Variants in ZNF527 observed in about 807,000 individuals in gnomAD.
The protein encoded by ZNF527 is zinc finger protein 527.
Under a neutral mutation model 13.5 loss-of-function variants are expected in ZNF527, and 5 were observed. The observed-to-expected ratio is 0.37, with a 90% CI of 0.19 to 0.78. The LOEUF is 0.78. ZNF527 is among the 30% of genes least tolerant of loss of function. The probability of loss-of-function intolerance (pLI) is 0.48; values close to 1 mark genes in which losing one functional copy is unlikely to be tolerated. For synonymous variants in ZNF527, 209 were observed against 243.1 expected, an observed-to-expected ratio of 0.86 and a Z score of 1.30; for missense variants, 628 against 726.4, an observed-to-expected ratio of 0.86 and a Z score of 1.56.
chr19:37,374,376 A>T, intron 2 of ZNF527, 145 bp downstream of exon 2: 1 of 735,412 alleles, frequency 1.4e-6, no homozygotes, highest in African/African-American at 1.8e-5. Flanking sequence ...TCTACAAAAC[A>T]TTTAATATCT....
chr19:37,378,053 G>A (rs1210527555), intron 2 of ZNF527, among the ~76,000 whole-genome samples: 3 of 147,076 alleles, frequency 2.0e-5, no homozygotes, highest in Admixed American at 6.8e-5. Flanking sequence ...TTTTTGAGAC[G>A]GAGTCTTGCT....
intron 4 of ZNF527, chr19:37,384,788 C>T (rs1177215322): frequency 7.4e-6 from 4 of 543,432 alleles, no homozygotes; most frequent in Admixed American, 3.0e-5. Context: ...AGCATCTTTC[C>T]AGGAATGCAT....
At position 37,380,381 on chromosome 19, in the gene ZNF527, C is replaced by T. The variant is rs1209719910; in HGVS notation, c.256+9C>T. On this transcript the variant is annotated intron_variant, in intron 4 of 4. Transcript: ENST00000436120. ...ACAGGGTCACTGTGCAGGTGAGTGA[C>T]AGATCACCAGGCAGGGAGGACTATT... 2 of 1,607,702 alleles carry T rather than the reference C, an allele frequency of 1.2e-6. No homozygotes were observed. The highest frequency in any genetic ancestry group is 4.5e-5 in the East Asian group (2 of 44,834).
intron 4 of ZNF527, chr19:37,384,784 T>C (rs549725074): frequency 2.6e-4 from 141 of 540,746 alleles, no homozygotes; most frequent in Non-Finnish European, 2.8e-4. Context: ...ATTGAGCATC[T>C]TTCCAGGAAT....
At chr19:37,375,698 T>C (rs967054257) in intron 2 of ZNF527, among the ~76,000 whole-genome samples, 2 of 152,038 alleles carry the variant, frequency 1.3e-5, no homozygotes, top group Non-Finnish European at 1.5e-5. Flanking sequence ...GATGAGATTA[T>C]CTTGAGGGCA....
chr19:37,381,788 T>A (rs2040655894), intron 4 of ZNF527, among the ~76,000 whole-genome samples: 1 of 152,200 alleles, frequency 6.6e-6, no homozygotes, highest in South Asian at 2.1e-4. Flanking sequence ...CTTTTCTTTG[T>A]GTATATTAAT....
intron 4 of ZNF527, among the ~76,000 whole-genome samples, chr19:37,382,024 A>G (rs1169183742): frequency 6.6e-6 from 1 of 152,152 alleles, no homozygotes; most frequent in Non-Finnish European, 1.5e-5. Flanking sequence ...TGAATGTTGG[A>G]ATCTCCTTCA....
rs1050591285 is a variant in ZNF527 at position 37,371,565 on chromosome 19, T to C, written c.-42+339T>C. Among the ~76,000 whole-genome samples the C allele has an allele frequency of 3.9e-5, 6 of 152,158 alleles. 1 individual carries two copies. The highest frequency in any genetic ancestry group is 8.8e-5 in the Non-Finnish European group (6 of 68,030). ...GTGTGACATTGTGTGTTTGTGTAAATGCATGTGTGTGGTTATGTGACCACC... is the reference window on the plus strand; with the variant it reads ...GTGTGACATTGTGTGTTTGTGTAAACGCATGTGTGTGGTTATGTGACCACC... On this transcript the variant is annotated intron_variant, in intron 1 of 4. Transcript: ENST00000436120.
At chr19:37,381,809 C>T (rs2040656030) in intron 4 of ZNF527, among the ~76,000 whole-genome samples, 1 of 151,998 alleles carries the variant, frequency 6.6e-6, no homozygotes, top group Non-Finnish European at 1.5e-5. Flanking sequence ...TGGGATTGTT[C>T]TGAAGGAAGA....
Position 37,389,516 on chromosome 19 carries a change from T to A in ZNF527, c.1467T>A (p.His489Gln). 6.2e-7 allele frequency: 1 copy of A among 1,613,502 alleles called. No individual in the cohort carries two copies. Among genetic ancestry groups the A allele is most frequent in the Non-Finnish European group, 8.5e-7 (1 of 1,179,894 alleles). Residue 489 changes from histidine to glutamine, a missense_variant, in exon 5 of 5, where the codon CAT becomes CAA. Transcript: ENST00000436120. ...FRTDSQLNRH[H>Q]RIHTGERPFE... Reference sequence around the variant, plus strand: ...CTGACTCACAACTTAATCGACATCATAGAATTCACACTGGAGAGAGACCAT... The same window carrying A: ...CTGACTCACAACTTAATCGACATCAAAGAATTCACACTGGAGAGAGACCAT...
At chr19:37,372,241 C>T (rs919430730) in intron 1 of ZNF527, among the ~76,000 whole-genome samples, 13 of 151,806 alleles carry the variant, frequency 8.6e-5, no homozygotes, top group Admixed American at 2.0e-4. Context: ...CCTCATGATC[C>T]GCCCACCAGA....
intron 4 of ZNF527, among the ~76,000 whole-genome samples, chr19:37,383,539 A>ATT (rs750041418): frequency 0.013 from 1,559 of 121,234 alleles, 19 homozygotes; most frequent in African/African-American, 0.037. Context: ...CACCCAGCTG[A>ATT]TTTTTTTTTT....
At chr19:37,387,934 T>C (rs894735091) in intron 4 of ZNF527, among the ~76,000 whole-genome samples, 1 of 152,170 alleles carries the variant, frequency 6.6e-6, no homozygotes, top group Non-Finnish European at 1.5e-5. Context: ...GTCTTATGAA[T>C]ACCAGTGCAG....
chr19:37,384,841 A>AT (rs1568696014), intron 4 of ZNF527: 6 of 663,852 alleles, frequency 9.0e-6, no homozygotes, highest in African/African-American at 3.6e-5. Context: ...CTGCTCATAC[A>AT]TTTTTTTGTT....
Position 37,389,676 on chromosome 19 carries a change from C to T in ZNF527, c.1627C>T (p.Gln543Ter). The change falls in exon 5 of 5, where the codon CAA becomes TAA. Residue 543 changes from glutamine (Q) to a stop codon, truncating the protein, a stop_gained. Transcript: ENST00000436120. LOFTEE classifies it low-confidence loss of function (END_TRUNC). ...CTTCAGTTGTGGCTCATATCTTAAT[C>T]AACATCAAAGAATTCATACTGGAGA... ...KAFSCGSYLN[Q>*]HQRIHTGEKP... 1 of 1,614,016 alleles carries T rather than the reference C, an allele frequency of 6.2e-7. No individual in the cohort carries two copies. The highest frequency in any genetic ancestry group is 8.5e-7 in the Non-Finnish European group (1 of 1,179,998).
At position 37,388,634 on chromosome 19, in the gene ZNF527, T is replaced by G. The variant is rs780610377; in HGVS notation, c.585T>G (p.Ile195Met). The change falls in exon 5 of 5, where the codon ATT (isoleucine) becomes ATG (methionine). Residue 195 changes from isoleucine to methionine, a missense_variant. This residue lies in a region of ZNF527 where 592 missense variants were observed against 678.0 expected (regional missense o/e 0.87). Transcript: ENST00000436120. ...TACAGCAAGTACATAAATTTGATAT[T>G]TATGATAAACTCTTCCCCCAAAATT... ...PTIQQVHKFDIYDKLFPQNSV... is the reference protein window; with the variant it reads ...PTIQQVHKFDMYDKLFPQNSV... 6.2e-7 allele frequency: 1 copy of G among 1,613,722 alleles called. No homozygotes were observed. Among genetic ancestry groups the G allele is most frequent in the African/African-American group, 1.3e-5 (1 of 74,914 alleles).
rs2040735851 is a variant in ZNF527 at position 37,389,731 on chromosome 19, A to C, written c.1682A>C (p.Lys561Thr). 1.9e-6 allele frequency: 3 copies of C among 1,614,006 alleles called. No individual in the cohort carries two copies. The highest frequency in any genetic ancestry group is 1.7e-6 in the Non-Finnish European group (2 of 1,180,036). ...EKPYECSECG[K>T]AFHQILSLRL... ...CCCTATGAATGTAGTGAATGTGGGA[A>C]GGCTTTTCATCAGATCTTGTCCCTA... The change falls in exon 5 of 5, where the codon AAG becomes ACG. Residue 561 changes from lysine (K) to threonine (T), a missense_variant. Transcript: ENST00000436120.
In ZNF527 at chr19:37,390,986, G is replaced by A. The variant is rs2040747590; in HGVS notation, c.*1107G>A. 6.6e-6 allele frequency: 1 copy of A among 152,082 alleles called. No homozygotes were observed. The highest frequency in any genetic ancestry group is 2.4e-5 in the African/African-American group (1 of 41,432). The allele number at this position is 152,082 out of a possible 1,614,324, so 9.4% of individuals were successfully genotyped here. ...TATTTGTCGATAAAACTATTTTAGT[G>A]TTTCTTAGTTTTTTTCACATTATGG... is the stretch of plus-strand genomic sequence containing the variant. On this transcript the variant is annotated 3_prime_UTR_variant, in exon 5 of 5. Transcript: ENST00000436120.
chr19:37,392,328 TGAA>T lies in ZNF527; in HGVS notation c.*2456_*2458del, dbSNP rs1457060164. 2.0e-5 allele frequency: 3 copies of T among 152,168 alleles called. No homozygotes were observed. The highest frequency in any genetic ancestry group is 4.8e-5 in the African/African-American group (2 of 41,442). 9.4% of individuals were successfully genotyped at this position (152,168 alleles called of 1,614,324 possible). ...AGGTTACAGTAAACTTTACCAAACT[TGAA>T]GAAGAATGACTCAGATCAGTAAGAA... On this transcript the variant is annotated 3_prime_UTR_variant, in exon 5 of 5. Coordinates refer to ENST00000436120, the MANE Select transcript of ZNF527 (RefSeq NM_032453.2).
Sources: allele counts gnomAD v4.1 joint callset (sites outside exome capture counted in the v4.1 genomes callset), GRCh38; gene constraint gnomAD v4.1.1; regional missense constraint gnomAD v4.1.1; transcripts MANE v1.5; gene names NCBI Gene and HGNC (gene_info 2026-07-23, HGNC 2026-07-21).